OR2A42: variants seen among roughly 807,000 people sequenced by gnomAD.
OR2A42 encodes the protein olfactory receptor 2A1/2A42.
For missense variants in OR2A42, 3 were observed against 104.1 expected (o/e 0.03, Z 4.23); for synonymous variants, 5 against 46.4 (o/e 0.11, Z 3.63).
In OR2A42 at chr7:144,230,137, T is replaced by TTTTGTTTGTTTGTTTGTTTG. The variant is rs71242227; in HGVS notation, c.*1754_*1773dup. 3 of 110,410 alleles carry TTTTGTTTGTTTGTTTGTTTG rather than the reference T, an allele frequency of 2.7e-5. No individual in the cohort carries two copies. Among genetic ancestry groups the TTTTGTTTGTTTGTTTGTTTG allele is most frequent in the Admixed American group, 9.5e-5 (1 of 10,518 alleles). The allele number at this position is 110,410 out of a possible 1,614,324, so 6.8% of individuals were successfully genotyped here. ...ACGCACCAGTATAAAAAAAGCTGTT[T>TTTTGTTTGTTTGTTTGTTTG]TTTGTTTGTTTGTTTGTTTGTTTGT... On this transcript the variant is annotated 3_prime_UTR_variant, in exon 3 of 3. Transcript: ENST00000641810.
Position 144,228,422 on chromosome 7 carries a change from C to T in OR2A42, c.*3489G>A, listed in dbSNP as rs1261383836. On this transcript the variant is annotated 3_prime_UTR_variant, in exon 3 of 3. Coordinates refer to ENST00000641810, the MANE Select transcript of OR2A42 (RefSeq NM_001001802.3). ...CGACCTTGAATAAATTAATTAATTACACTAAACTTTATTTCCCCCCCCCCT... is the reference window on the plus strand; with the variant it reads ...CGACCTTGAATAAATTAATTAATTATACTAAACTTTATTTCCCCCCCCCCT... 2 of 97,628 alleles carry T rather than the reference C, an allele frequency of 2.0e-5. 1 individual carries two copies. The highest frequency in any genetic ancestry group is 8.5e-5 in the African/African-American group (2 of 23,518). The allele number at this position is 97,628 out of a possible 1,614,324, so 6.0% of individuals were successfully genotyped here.
At chr7:144,237,646 A>T (rs1263117374) in intron 2 of OR2A42, among the ~76,000 whole-genome samples, 1 of 150,802 alleles carries the variant, frequency 6.6e-6, no homozygotes, top group Admixed American at 6.6e-5. Context: ...GTGACTAAAA[A>T]GGTGAAATAC....
At chr7:144,234,765 CAAAT>C (rs1311105326) in intron 2 of OR2A42, among the ~76,000 whole-genome samples, 1 of 108,496 alleles carries the variant, frequency 9.2e-6, no homozygotes, top group African/African-American at 4.8e-5. Context: ...CAGCAAGACA[CAAAT>C]AAATTCTAGT....
rs1444564512 is a variant in OR2A42 at position 144,229,828 on chromosome 7, T to C, written c.*2083A>G. 4 of 151,276 alleles carry C rather than the reference T, an allele frequency of 2.6e-5. No homozygotes were observed. The highest frequency in any genetic ancestry group is 7.3e-5 in the African/African-American group (3 of 41,336). 9.4% of individuals were successfully genotyped at this position (151,276 alleles called of 1,614,324 possible). Reference sequence around the variant, plus strand: ...CAAGGTCTCACTCTGTCACCCAGGCTGGAATGCAGTGGTGCGATCATGGCT... The same window carrying C: ...CAAGGTCTCACTCTGTCACCCAGGCCGGAATGCAGTGGTGCGATCATGGCT... On this transcript the variant is annotated 3_prime_UTR_variant, in exon 3 of 3. Transcript: ENST00000641810.
chr7:144,239,437 AT>A (rs2052472861), intron 1 of OR2A42, 138 bp downstream of exon 1: 1 of 98,640 alleles, frequency 1.0e-5, no homozygotes, highest in African/African-American at 3.9e-5. Context: ...ACATAGGAGG[AT>A]TATGAATTTT....
chr7:144,238,154 TA>T (rs1213125420), intron 2 of OR2A42, among the ~76,000 whole-genome samples: 1 of 107,982 alleles, frequency 9.3e-6, no homozygotes, highest in Non-Finnish European at 1.9e-5. Context: ...CATGATCCTC[TA>T]AAGCTGATTT....
At chr7:144,235,018 C>T (rs1257443931) in intron 2 of OR2A42, among the ~76,000 whole-genome samples, 4 of 146,686 alleles carry the variant, frequency 2.7e-5, no homozygotes, top group South Asian at 2.2e-4. Context: ...GGTGTGATTA[C>T]GGCTCACTGT....
In OR2A42 at chr7:144,230,134, GTTTT is replaced by G. The variant is rs1333179390; in HGVS notation, c.*1773_*1776del. ...TTCACGCACCAGTATAAAAAAAGCT[GTTTT>G]TTGTTTGTTTGTTTGTTTGTTTGTT... On this transcript the variant is annotated 3_prime_UTR_variant, in exon 3 of 3. Coordinates refer to ENST00000641810, the MANE Select transcript of OR2A42 (RefSeq NM_001001802.3). 2 of 114,382 alleles carry G rather than the reference GTTTT, an allele frequency of 1.7e-5. No individual in the cohort carries two copies. The highest frequency in any genetic ancestry group is 8.7e-5 in the Admixed American group (1 of 11,510). The allele number at this position is 114,382 out of a possible 1,614,324, so 7.1% of individuals were successfully genotyped here.
At position 144,229,740 on chromosome 7, in the gene OR2A42, A is replaced by G. The variant is rs1459441376; in HGVS notation, c.*2171T>C. 2 of 150,576 alleles carry G rather than the reference A, an allele frequency of 1.3e-5. No homozygotes were observed. The highest frequency in any genetic ancestry group is 3.0e-5 in the Non-Finnish European group (2 of 67,228). 9.3% of individuals were successfully genotyped at this position (150,576 alleles called of 1,614,324 possible). A position where few individuals can be genotyped will look rare whatever the true frequency, so the allele number is the denominator to read the frequency against. On this transcript the variant is annotated 3_prime_UTR_variant, in exon 3 of 3. Coordinates refer to ENST00000641810, the MANE Select transcript of OR2A42 (RefSeq NM_001001802.3). ...CGGCAGCAATGGAATTACAAATTGT[A>G]TATCCAGTTTGGGTAATTTTAAAAA...
In OR2A42 at chr7:144,238,751, A is replaced by C. The variant is rs1218666545; in HGVS notation, c.-316-8T>G. 1 of 151,664 alleles carries C rather than the reference A, an allele frequency of 6.6e-6. No individual in the cohort carries two copies. The highest frequency in any genetic ancestry group is 2.4e-5 in the African/African-American group (1 of 40,984). The allele number at this position is 151,664 out of a possible 1,614,324, so 9.4% of individuals were successfully genotyped here. On this transcript the variant is annotated splice_region_variant and splice_polypyrimidine_tract_variant and intron_variant, in intron 1 of 2. Coordinates refer to ENST00000641810, the MANE Select transcript of OR2A42 (RefSeq NM_001001802.3). ...CTCCTGCATGCTCATCTCCTTGGGG[A>C]AGGAGAGACAAGACAATTGGTTTTT...
chr7:144,238,609 T>A lies in OR2A42; in HGVS notation c.-182A>T. Reference sequence around the variant, plus strand: ...AGTTTCTGTGGGAGCTGCAGAATCTTTGCTTCTGTTTCTGATTGAAAATGT... The same window carrying A: ...AGTTTCTGTGGGAGCTGCAGAATCTATGCTTCTGTTTCTGATTGAAAATGT... On this transcript the variant is annotated 5_prime_UTR_variant, in exon 2 of 3. Transcript: ENST00000641810. The A allele has an allele frequency of 6.6e-6, 1 of 150,528 alleles. No homozygotes were observed. The highest frequency in any genetic ancestry group is 1.5e-5 in the Non-Finnish European group (1 of 67,232). The allele number at this position is 150,528 out of a possible 1,614,324, so 9.3% of individuals were successfully genotyped here. A position where few individuals can be genotyped will look rare whatever the true frequency, so the allele number is the denominator to read the frequency against.
At position 144,230,549 on chromosome 7, in the gene OR2A42, A is replaced by G. The variant is rs1361654797; in HGVS notation, c.*1362T>C. 7 of 150,726 alleles carry G rather than the reference A, an allele frequency of 4.6e-5. No individual in the cohort carries two copies. Among genetic ancestry groups the G allele is most frequent in the Non-Finnish European group, 1.0e-4 (7 of 67,672 alleles). 9.3% of individuals were successfully genotyped at this position (150,726 alleles called of 1,614,324 possible). On this transcript the variant is annotated 3_prime_UTR_variant, in exon 3 of 3. Coordinates refer to ENST00000641810, the MANE Select transcript of OR2A42 (RefSeq NM_001001802.3). Reference sequence around the variant, plus strand: ...TGTGTGTGTGTGTGTGCGCGCACGCATGTACGTGAGCATGTGAGTGTTGTA... The same window carrying G: ...TGTGTGTGTGTGTGTGCGCGCACGCGTGTACGTGAGCATGTGAGTGTTGTA...
chr7:144,230,563 G>T lies in OR2A42; in HGVS notation c.*1348C>A, dbSNP rs1221226564. 2.6e-5 allele frequency: 4 copies of T among 151,186 alleles called. No homozygotes were observed. Among genetic ancestry groups the T allele is most frequent in the Non-Finnish European group, 3.0e-5 (2 of 67,796 alleles). The allele number at this position is 151,186 out of a possible 1,614,324, so 9.4% of individuals were successfully genotyped here. A position where few individuals can be genotyped will look rare whatever the true frequency, so the allele number is the denominator to read the frequency against. On this transcript the variant is annotated 3_prime_UTR_variant, in exon 3 of 3. Coordinates refer to ENST00000641810, the MANE Select transcript of OR2A42 (RefSeq NM_001001802.3). ...TGCGCGCACGCATGTACGTGAGCAT[G>T]TGAGTGTTGTACGTGAACTAGAGAT...
rs1354526223 is a variant in OR2A42, at chr7:144,237,582, C to CA, written c.-5+849_-5+850insT. 2.4e-4 allele frequency among the ~76,000 whole-genome samples: 32 copies of CA among 131,944 alleles called. 3 individuals are homozygous for CA. Among genetic ancestry groups the CA allele is most frequent in the Middle Eastern group, 3.8e-3 (1 of 262 alleles). 86.6% of individuals were successfully genotyped at this position (131,944 alleles called of 152,430 possible). On this transcript the variant is annotated intron_variant, in intron 2 of 2. Coordinates refer to ENST00000641810, the MANE Select transcript of OR2A42 (RefSeq NM_001001802.3). ...CAAACAAACAACAACAAAAAAAAAA[C>CA]CAAAAAATGATATTTAGGCATTCAT...
intron 2 of OR2A42, among the ~76,000 whole-genome samples, chr7:144,237,617 T>G (rs1375195089): frequency 6.6e-6 from 1 of 150,802 alleles, no homozygotes; most frequent in East Asian, 1.9e-4. Flanking sequence ...TTCATTCATT[T>G]GATTTATTGA....
intron 2 of OR2A42, among the ~76,000 whole-genome samples, chr7:144,235,546 C>T (rs1387403725): frequency 6.6e-6 from 1 of 152,102 alleles, no homozygotes; most frequent in African/African-American, 2.4e-5. Context: ...ACAGTAAATA[C>T]TTACTGTGTG....
chr7:144,235,817 T>TG (rs1357388825), intron 2 of OR2A42, among the ~76,000 whole-genome samples: 2 of 151,458 alleles, frequency 1.3e-5, no homozygotes, highest in African/African-American at 4.9e-5. Context: ...CAGTTGCAAA[T>TG]GTAACATTCA....
At chr7:144,236,607 GCAATAGAGTGAGACCCTGTCT>G (rs1227823995) in intron 2 of OR2A42, among the ~76,000 whole-genome samples, 17 of 121,290 alleles carry the variant, frequency 1.4e-4, no homozygotes, top group African/African-American at 6.5e-4. Context: ...TTCAGCCTGG[GCAATAGAGTGAGACCCTGTCT>G]CAACAAAAAG....
At chr7:144,237,486 C>T (rs1322211849) in intron 2 of OR2A42, among the ~76,000 whole-genome samples, 2 of 148,412 alleles carry the variant, frequency 1.3e-5, no homozygotes, top group Non-Finnish European at 3.0e-5. Flanking sequence ...TTCAAGTATA[C>T]CGATTACAGT....
Sources: allele counts gnomAD v4.1 joint callset (sites outside exome capture counted in the v4.1 genomes callset), GRCh38; gene constraint gnomAD v4.1.1; transcripts MANE v1.5; gene names NCBI Gene and HGNC (gene_info 2026-07-23, HGNC 2026-07-21).